CNTNAP2: variants seen among roughly 807,000 people sequenced by gnomAD.
The protein encoded by CNTNAP2 is contactin associated protein 2, also known as contactin-associated protein-like 2.
In CNTNAP2, 98 loss-of-function variants were observed where a neutral mutation model predicts 155.2. The ratio of observed to expected loss-of-function variants is 0.63; its 90% CI spans 0.54 to 0.75. The LOEUF is 0.75. Ranked by LOEUF, CNTNAP2 falls within the 30% of genes least tolerant of loss-of-function variation. CNTNAP2 has a pLI of 0.00. For missense variants in CNTNAP2, 1,727 were observed against 1,688.1 expected, an observed-to-expected ratio of 1.02 and a Z score of -0.40; for synonymous variants, 651 against 631.2, an observed-to-expected ratio of 1.03 and a Z score of -0.47.
chr7:146,562,946 T>A (rs908793587), intron 1 of CNTNAP2, among the ~76,000 whole-genome samples: 4 of 152,182 alleles, frequency 2.6e-5, no homozygotes, highest in African/African-American at 9.6e-5. Flanking sequence ...TTAGGTTTTG[T>A]ATATATAGAA....
intron 1 of CNTNAP2, among the ~76,000 whole-genome samples, chr7:146,140,677 G>C (rs146470057): frequency 3.9e-4 from 59 of 152,106 alleles, no homozygotes; most frequent in Middle Eastern, 6.8e-3. Context: ...ACGATATTTT[G>C]TTGATAATGG....
chr7:148,011,793 G>C (rs1802086928), intron 15 of CNTNAP2, among the ~76,000 whole-genome samples: 1 of 152,214 alleles, frequency 6.6e-6, no homozygotes, highest in South Asian at 2.1e-4. Flanking sequence ...GAACTCTCAG[G>C]AGAATAGCTC....
intron 21 of CNTNAP2, among the ~76,000 whole-genome samples, chr7:148,367,058 CT>C (rs1563060703): frequency 1.3e-5 from 2 of 152,034 alleles, no homozygotes; most frequent in Admixed American, 6.6e-5. Flanking sequence ...TGGTGAAGCC[CT>C]GTCTCTACTA....
intron 1 of CNTNAP2, among the ~76,000 whole-genome samples, chr7:146,259,549 CA>C (rs1010559797): frequency 2.0e-5 from 3 of 152,218 alleles, no homozygotes; most frequent in African/African-American, 7.2e-5. Flanking sequence ...TGTGCTTTAG[CA>C]AAAAGCCTGG....
chr7:147,508,337 C>T (rs528245342), intron 11 of CNTNAP2, among the ~76,000 whole-genome samples: 1 of 152,240 alleles, frequency 6.6e-6, no homozygotes, highest in East Asian at 1.9e-4. Context: ...CCTTTAGCAA[C>T]CCAGCCACTG....
chr7:148,203,168 A>G lies in CNTNAP2; in HGVS notation c.3011-14120A>G, dbSNP rs151218140. Among the ~76,000 whole-genome samples, 23 of 152,182 alleles carry G rather than the reference A, an allele frequency of 1.5e-4. No individual in the cohort carries two copies. In the East Asian group the frequency reaches 4.3e-3, roughly 28 times the overall value. On this transcript the variant is annotated intron_variant, in intron 18 of 23. Coordinates refer to ENST00000361727, the MANE Select transcript of CNTNAP2 (RefSeq NM_014141.6). Reference sequence around the variant, plus strand: ...GAAATACATCACTAAGATGTCTTGGATTTTCTTTTGGGGAGGAGAGGTGGG... The same window carrying G: ...GAAATACATCACTAAGATGTCTTGGGTTTTCTTTTGGGGAGGAGAGGTGGG...
chr7:146,898,170 C>T (rs1795916362), intron 3 of CNTNAP2, among the ~76,000 whole-genome samples: 1 of 151,984 alleles, frequency 6.6e-6, no homozygotes, highest in Non-Finnish European at 1.5e-5. Context: ...ATTGTCAATT[C>T]TGCAATTATC....
intron 12 of CNTNAP2, among the ~76,000 whole-genome samples, chr7:147,611,281 C>G (rs1197902087): frequency 2.6e-5 from 4 of 152,130 alleles, no homozygotes; most frequent in Admixed American, 2.6e-4. Flanking sequence ...CAAAGAGTAA[C>G]ATCTCCTTGC....
chr7:148,166,760 A>T (rs1051966793), intron 17 of CNTNAP2, among the ~76,000 whole-genome samples: 1 of 152,226 alleles, frequency 6.6e-6, no homozygotes, highest in Non-Finnish European at 1.5e-5. Context: ...GGGGCTCTCT[A>T]CAATGACAAT....
At chr7:146,224,700 C>T (rs2462829) in intron 1 of CNTNAP2, among the ~76,000 whole-genome samples, 106,055 of 151,840 alleles carry the variant, frequency 0.7, 37,898 homozygotes, top group East Asian at 0.94. Flanking sequence ...ACCCGGGAGG[C>T]GGAGCTTGCA....
At chr7:147,417,823 T>C (rs1222483625) in intron 10 of CNTNAP2, among the ~76,000 whole-genome samples, 2 of 152,210 alleles carry the variant, frequency 1.3e-5, no homozygotes, top group Non-Finnish European at 2.9e-5. Flanking sequence ...TTGCTTAAGT[T>C]ATGCAAAAGT....
chr7:146,564,363 C>T (rs1798325096), intron 1 of CNTNAP2, among the ~76,000 whole-genome samples: 1 of 151,860 alleles, frequency 6.6e-6, no homozygotes, highest in African/African-American at 2.4e-5. Context: ...CCTTTATTTC[C>T]TTATCTGTAT....
At position 147,426,135 on chromosome 7, in the gene CNTNAP2, T is replaced by G. The variant is rs372118735; in HGVS notation, c.1670+30355T>G. 4.6e-5 allele frequency among the ~76,000 whole-genome samples: 7 copies of G among 152,136 alleles called. No homozygotes were observed. In the East Asian group the frequency reaches 7.7e-4, roughly 17 times the overall value. ...AGTAATAGGGCTGAATATGTGACGA[T>G]GTGTACACAGGGAGGGTGTACTTTA... On this transcript the variant is annotated intron_variant, in intron 10 of 23. Transcript: ENST00000361727.
intron 20 of CNTNAP2, among the ~76,000 whole-genome samples, chr7:148,253,009 C>CATACATAG: frequency 7.0e-6 from 1 of 141,952 alleles, no homozygotes; most frequent in South Asian, 2.3e-4. Context: ...TAGATAGATA[C>CATACATAG]ATAGATAGAT....
intron 1 of CNTNAP2, among the ~76,000 whole-genome samples, chr7:146,772,519 A>T (rs1284204137): frequency 6.7e-6 from 1 of 150,100 alleles, no homozygotes; most frequent in African/African-American, 2.5e-5. Context: ...AAAAAAAAAA[A>T]ATAGCTGTAC....
intron 1 of CNTNAP2, among the ~76,000 whole-genome samples, chr7:146,333,015 C>T (rs11973030): frequency 0.062 from 8,741 of 140,956 alleles, 375 homozygotes; most frequent in African/African-American, 0.13. Flanking sequence ...GCGATCTCGG[C>T]TTACTGCAAT....
At chr7:146,952,910 A>G (rs1029319704) in intron 3 of CNTNAP2, among the ~76,000 whole-genome samples, 1 of 152,136 alleles carries the variant, frequency 6.6e-6, no homozygotes, top group African/African-American at 2.4e-5. Flanking sequence ...AAAAATATTA[A>G]TCTTCATGCC....
At chr7:147,600,008 A>C (rs1315605083) in intron 12 of CNTNAP2, among the ~76,000 whole-genome samples, 2 of 152,224 alleles carry the variant, frequency 1.3e-5, no homozygotes, top group African/African-American at 2.4e-5. Flanking sequence ...ACAATAATTG[A>C]TAAAATAACT....
intron 3 of CNTNAP2, among the ~76,000 whole-genome samples, chr7:146,900,713 C>A (rs1795974978): frequency 6.6e-6 from 1 of 152,176 alleles, no homozygotes; most frequent in Non-Finnish European, 1.5e-5. Context: ...TGTCAGCTTT[C>A]TCTGAACCTC....
Sources: gnomAD v4.1 joint callset for allele counts (sites outside exome capture counted in the v4.1 genomes callset) on GRCh38, gnomAD v4.1.1 for gene constraint, MANE v1.5 for transcripts, NCBI Gene and HGNC (gene_info 2026-07-23, HGNC 2026-07-21) for gene names.